Variants in RFC3 observed in about 807,000 individuals in gnomAD.
RFC3 encodes the protein replication factor C subunit 3.
A neutral mutation model predicts 45.1 loss-of-function variants in RFC3; 41 were observed. The ratio of observed to expected loss-of-function variants is 0.91; its 90% confidence interval spans 0.71 to 1.18. RFC3 has a LOEUF of 1.18. RFC3 is among the 50% of genes most tolerant of loss of function. RFC3 has a pLI of 0.00. For missense variants in RFC3, 423 were observed against 428.1 expected (o/e 0.99, Z 0.10); for synonymous variants, 149 against 144.0 (o/e 1.03, Z -0.25).
At chr13:33,837,999 G>T (rs183505189), downstream of RFC3, among the ~76,000 whole-genome samples, 4 of 151,804 alleles carry the variant, frequency 2.6e-5, no homozygotes, top group South Asian at 2.1e-4. Context: ...AGTCCTTAGG[G>T]ATTTTCCAAA....
chr13:33,831,826 T>G (rs1230855490), intron 7 of RFC3, among the ~76,000 whole-genome samples: 1 of 152,204 alleles, frequency 6.6e-6, no homozygotes, highest in East Asian at 1.9e-4. Context: ...TTTAGAGTTT[T>G]ATCTTCATTT....
At chr13:33,909,754 G>A (rs978073186) in intron 8 of RFC3, among the ~76,000 whole-genome samples, 1 of 152,066 alleles carries the variant, frequency 6.6e-6, no homozygotes, top group Admixed American at 6.6e-5. Context: ...AAATAAGAGT[G>A]TACCTGAGGA....
intron 8 of RFC3, among the ~76,000 whole-genome samples, chr13:33,946,999 A>G (rs1190122818): frequency 6.6e-6 from 1 of 152,234 alleles, no homozygotes; most frequent in East Asian, 1.9e-4. Flanking sequence ...ATATCTGCTA[A>G]ATGATGACAT....
intron 8 of RFC3, among the ~76,000 whole-genome samples, chr13:33,913,019 G>T (rs142529938): frequency 6.6e-6 from 1 of 152,082 alleles, no homozygotes. Flanking sequence ...CACTGGGAGA[G>T]GGAGAGCCTG....
chr13:33,926,173 A>C (rs978841353), intron 8 of RFC3, among the ~76,000 whole-genome samples: 3 of 135,582 alleles, frequency 2.2e-5, no homozygotes, highest in Non-Finnish European at 4.6e-5. Context: ...ACACATGGAC[A>C]CAGGAAGGGG....
intron 1 of RFC3, among the ~76,000 whole-genome samples, chr13:33,819,748 T>G (rs148320651): frequency 6.6e-6 from 1 of 152,260 alleles, no homozygotes; most frequent in Admixed American, 6.5e-5. Context: ...GGAATGTATA[T>G]TTTGGACATG....
rs2083087223 is a variant in RFC3 at position 33,966,264 on chromosome 13, T to G, written c.*139T>G. The G allele has an allele frequency of 4.3e-6, 3 of 700,482 alleles. No individual in the cohort carries two copies. The Admixed American group carries it at 6.6e-5, about 15-fold the overall frequency. The allele number at this position is 700,482 out of a possible 1,614,324, so 43.4% of individuals were successfully genotyped here. Reference sequence around the variant, plus strand: ...CAAGATTCAGACTCCAGCCTGAATGTTATTTCCTGAGAAAATCCCTCCCTG... The same window carrying G: ...CAAGATTCAGACTCCAGCCTGAATGGTATTTCCTGAGAAAATCCCTCCCTG... On this transcript the variant is annotated 3_prime_UTR_variant, in exon 9 of 9. Transcript: ENST00000434425.
chr13:33,973,115 G>T, the RFC3 span, among the ~76,000 whole-genome samples: 2,324 of 152,156 alleles, frequency 0.015, 42 homozygotes, highest in Middle Eastern at 0.085. Flanking sequence ...AAAGAGCAAA[G>T]ACAACACATA....
rs537722968 is a variant in RFC3 at position 33,853,461 on chromosome 13, G to C, written c.879+18244G>C. 4.6e-5 allele frequency among the ~76,000 whole-genome samples: 7 copies of C among 152,254 alleles called. 1 individual carries two copies. In the East Asian group the frequency reaches 1.2e-3, roughly 25 times the overall value. ...ATCAAAGTGTTCTGTGCCTGCAACTGGTTGCCTCCAATTATCCCATTTGCT... is the reference window on the plus strand; with the variant it reads ...ATCAAAGTGTTCTGTGCCTGCAACTCGTTGCCTCCAATTATCCCATTTGCT... On this transcript the variant is annotated intron_variant, in intron 8 of 8. Transcript: ENST00000434425.
intron 8 of RFC3, among the ~76,000 whole-genome samples, chr13:33,896,669 A>G (rs1288932589): frequency 7.8e-6 from 1 of 127,848 alleles, no homozygotes; most frequent in Admixed American, 1.0e-4. Flanking sequence ...CTGAGATTGC[A>G]CTGCTGCACT....
intron 8 of RFC3, among the ~76,000 whole-genome samples, chr13:33,927,976 A>C (rs910666905): frequency 1.3e-5 from 2 of 152,144 alleles, no homozygotes; most frequent in Non-Finnish European, 2.9e-5. Context: ...ACCATGGGCA[A>C]GGCACTGTTA....
rs144448981 is a variant in RFC3 at position 33,958,151 on chromosome 13, G to A, written c.880-7936G>A. Among the ~76,000 whole-genome samples, 27 of 152,356 alleles carry A rather than the reference G, an allele frequency of 1.8e-4. No homozygotes were observed. In the East Asian group the frequency reaches 4.2e-3, roughly 24 times the overall value. ...AGGGACTCTTTGAGGAGGTGACAGT[G>A]AAGTTAAGACATCAAAGTAGGTCTC... On this transcript the variant is annotated intron_variant, in intron 8 of 8. Transcript: ENST00000434425.
chr13:33,958,247 G>A (rs997882569), intron 8 of RFC3, among the ~76,000 whole-genome samples: 2 of 152,152 alleles, frequency 1.3e-5, no homozygotes, highest in Non-Finnish European at 2.9e-5. Flanking sequence ...TAAAAGAAAC[G>A]TCAAGTACAA....
intron 8 of RFC3, among the ~76,000 whole-genome samples, chr13:33,890,010 G>A (rs746951972): frequency 2.6e-5 from 4 of 152,082 alleles, no homozygotes; most frequent in South Asian, 2.1e-4. Flanking sequence ...TAGGTTCAAC[G>A]GTCCTGACTT....
chr13:33,874,541 A>C (rs2082433411), intron 8 of RFC3, among the ~76,000 whole-genome samples: 1 of 152,170 alleles, frequency 6.6e-6, no homozygotes, highest in Non-Finnish European at 1.5e-5. Context: ...CTGGTCTCAA[A>C]CTTCTGACCT....
intron 8 of RFC3, among the ~76,000 whole-genome samples, chr13:33,874,308 T>C (rs1352467524): frequency 1.3e-5 from 2 of 151,874 alleles, no homozygotes; most frequent in East Asian, 3.9e-4. Flanking sequence ...GGTGCTTCTT[T>C]TTGTTTGTTT....
chr13:33,958,518 C>A (rs1012322867), intron 8 of RFC3, among the ~76,000 whole-genome samples: 1 of 152,272 alleles, frequency 6.6e-6, no homozygotes, highest in African/African-American at 2.4e-5. Flanking sequence ...TGAGTGTTAC[C>A]CCTGAGAGGT....
At chr13:33,965,979 CT>C in intron 8 of RFC3, 1 of 784,520 alleles carries the variant, frequency 1.3e-6, no homozygotes. Flanking sequence ...GCTCCTGAGC[CT>C]TAAATTACTT....
intron 8 of RFC3, among the ~76,000 whole-genome samples, chr13:33,881,196 T>C (rs555440250): frequency 2.0e-4 from 30 of 152,300 alleles, no homozygotes; most frequent in African/African-American, 7.0e-4. Context: ...AAAATGATAT[T>C]AACATATTTT....
Sources: allele counts gnomAD v4.1 joint callset (sites outside exome capture counted in the v4.1 genomes callset), GRCh38; gene constraint gnomAD v4.1.1; transcripts MANE v1.5; gene names NCBI Gene and HGNC (gene_info 2026-07-23, HGNC 2026-07-21).